Variants in LYPD6B observed in about 807,000 individuals in gnomAD.
LYPD6B encodes ly6/PLAUR domain-containing protein 6B.
LYPD6B carries 17 observed loss-of-function variants against 22.8 expected under a neutral mutation model. That is an observed-to-expected ratio of 0.75 (90% confidence interval 0.51 to 1.12). The LOEUF is 1.12. Among genes scored for constraint, LYPD6B ranks in the 50% most tolerant of loss-of-function variants. The probability of loss-of-function intolerance (pLI) is 0.00; values close to 1 mark genes in which losing one functional copy is unlikely to be tolerated. For missense variants in LYPD6B, 221 were observed against 258.3 expected (o/e 0.86, Z 0.99); for synonymous variants, 106 against 91.6 (o/e 1.16, Z -0.90).
rs1684256065 is a variant in LYPD6B at position 149,065,002 on chromosome 2, G to C, written c.-67+26201G>C. On this transcript the variant is annotated intron_variant, in intron 1 of 6. Transcript: ENST00000409642. The stretch of plus-strand genomic sequence containing the variant: ...GAGGTTTTATGGAGTTTCTGAGTAT[G>C]ATTTTTGGCATTGATTCCCAGAGGA... Among the ~76,000 whole-genome samples the C allele has an allele frequency of 2.6e-5, 4 of 152,186 alleles. 1 individual carries two copies. Among genetic ancestry groups the C allele is most frequent in the South Asian group, 4.1e-4 (2 of 4,824 alleles).
intron 1 of LYPD6B, among the ~76,000 whole-genome samples, chr2:149,069,352 C>T (rs975703525): frequency 6.6e-5 from 10 of 152,096 alleles, no homozygotes; most frequent in Non-Finnish European, 1.0e-4. Flanking sequence ...TTTGCCTTGG[C>T]GACATAGACT....
chr2:149,040,620 C>A (rs1300404259), intron 1 of LYPD6B, among the ~76,000 whole-genome samples: 4 of 152,164 alleles, frequency 2.6e-5, no homozygotes, highest in Non-Finnish European at 4.4e-5. Flanking sequence ...GGGCACATGA[C>A]CGACTGTGAT....
At chr2:149,048,358 C>T (rs950741646) in intron 1 of LYPD6B, among the ~76,000 whole-genome samples, 1 of 152,156 alleles carries the variant, frequency 6.6e-6, no homozygotes, top group Non-Finnish European at 1.5e-5. Flanking sequence ...TCTCAGTGTA[C>T]CCCCAGACTT....
In LYPD6B at chr2:149,173,349, C is replaced by CTTTTTTTTTTTT. The variant is rs67113716; in HGVS notation, c.77+12523_77+12534dup. On this transcript the variant is annotated intron_variant, in intron 3 of 6. Transcript: ENST00000409642. ...AGCTTGATGCTTTAGTCTGTCAGGC[C>CTTTTTTTTTTTT]TTTTTTTTTTTTTTTTTTTTGCATC... Among the ~76,000 whole-genome samples the CTTTTTTTTTTTT allele has an allele frequency of 9.1e-4, 53 of 58,490 alleles. 2 individuals carry two copies. The highest frequency in any genetic ancestry group is 1.1e-3 in the East Asian group (2 of 1,818). The allele number at this position is 58,490 out of a possible 152,430, so 38.4% of individuals were successfully genotyped here. A position where few individuals can be genotyped will look rare whatever the true frequency, so the allele number is the denominator to read the frequency against.
At chr2:149,086,789 G>A (rs1325256287) in intron 1 of LYPD6B, among the ~76,000 whole-genome samples, 2 of 152,152 alleles carry the variant, frequency 1.3e-5, no homozygotes, top group Non-Finnish European at 2.9e-5. Flanking sequence ...TGAGGGCTGT[G>A]AGGGAGGGAT....
intron 1 of LYPD6B, among the ~76,000 whole-genome samples, chr2:149,118,528 C>G (rs1025689751): frequency 7.9e-5 from 12 of 152,168 alleles, no homozygotes; most frequent in Non-Finnish European, 1.3e-4. Context: ...TCTTGATTTT[C>G]TGCATCCTCC....
intron 1 of LYPD6B, among the ~76,000 whole-genome samples, chr2:149,045,499 A>G (rs964611560): frequency 6.6e-6 from 1 of 151,926 alleles, no homozygotes; most frequent in Non-Finnish European, 1.5e-5. Context: ...ATAAGCTTAT[A>G]TTACTGATTT....
intron 2 of LYPD6B, among the ~76,000 whole-genome samples, chr2:149,132,503 G>A (rs1242490983): frequency 6.6e-6 from 1 of 151,948 alleles, no homozygotes; most frequent in Admixed American, 6.6e-5. Flanking sequence ...TGGGGCCAAA[G>A]CCCAACATTT....
intron 1 of LYPD6B, among the ~76,000 whole-genome samples, chr2:149,105,587 AT>A (rs1213151433): frequency 6.6e-6 from 1 of 151,942 alleles, no homozygotes; most frequent in Non-Finnish European, 1.5e-5. Context: ...ATGGCTGAAA[AT>A]TTTTTTAATT....
intron 2 of LYPD6B, among the ~76,000 whole-genome samples, chr2:149,138,725 G>T (rs558080256): frequency 6.6e-6 from 1 of 152,088 alleles, no homozygotes; most frequent in South Asian, 2.1e-4. Flanking sequence ...TATTTTTGTA[G>T]AGACAGAGCC....
chr2:149,076,625 G>C (rs893004700), intron 1 of LYPD6B, among the ~76,000 whole-genome samples: 2 of 152,086 alleles, frequency 1.3e-5, no homozygotes, highest in Non-Finnish European at 2.9e-5. Flanking sequence ...TTTTCAGTTA[G>C]GTATGAGGCA....
chr2:149,180,765 G>A (rs1424148775), intron 3 of LYPD6B, among the ~76,000 whole-genome samples: 10 of 152,296 alleles, frequency 6.6e-5, no homozygotes, highest in East Asian at 1.9e-4. Context: ...TCTGAGAACC[G>A]GCTCTGCCAC....
chr2:149,121,342 G>C (rs1019488138), intron 1 of LYPD6B, among the ~76,000 whole-genome samples: 1 of 152,070 alleles, frequency 6.6e-6, no homozygotes, highest in African/African-American at 2.4e-5. Context: ...CATCTTAATG[G>C]GTTTGCTTCC....
At chr2:149,141,920 C>T (rs368699098) in intron 2 of LYPD6B, 10 of 152,318 alleles carry the variant, frequency 6.6e-5, no homozygotes, top group African/African-American at 2.2e-4. Flanking sequence ...TTTGCAGCTG[C>T]ATAACTCGAG....
chr2:149,155,700 T>G (rs1171620297), intron 2 of LYPD6B, among the ~76,000 whole-genome samples: 2 of 152,196 alleles, frequency 1.3e-5, no homozygotes, highest in East Asian at 3.9e-4. Context: ...ACAGTCCATT[T>G]TATTTTGCTC....
At chr2:149,150,279 A>G (rs1205561584) in intron 2 of LYPD6B, among the ~76,000 whole-genome samples, 1 of 151,820 alleles carries the variant, frequency 6.6e-6, no homozygotes, top group Non-Finnish European at 1.5e-5. Context: ...CTTTGTTCTG[A>G]TATTCTTGTT....
At chr2:149,151,479 G>A (rs918747852) in intron 2 of LYPD6B, among the ~76,000 whole-genome samples, 2 of 152,130 alleles carry the variant, frequency 1.3e-5, no homozygotes, top group African/African-American at 4.8e-5. Flanking sequence ...GTAGTCTTCC[G>A]TAGGATCAGT....
At chr2:149,087,488 C>T (rs1219982993) in intron 1 of LYPD6B, among the ~76,000 whole-genome samples, 1 of 152,082 alleles carries the variant, frequency 6.6e-6, no homozygotes, top group Non-Finnish European at 1.5e-5. Context: ...ATTGCTTGAA[C>T]CTAGAAGTTC....
At chr2:149,177,774 CAA>C (rs1050515095) in intron 3 of LYPD6B, among the ~76,000 whole-genome samples, 6 of 150,882 alleles carry the variant, frequency 4.0e-5, no homozygotes, top group African/African-American at 1.5e-4. Flanking sequence ...GCTGCCCAAA[CAA>C]GAGAGCTCAA....
Sources: gnomAD v4.1 joint callset for allele counts (sites outside exome capture counted in the v4.1 genomes callset) on GRCh38, gnomAD v4.1.1 for gene constraint, MANE v1.5 for transcripts, NCBI Gene and HGNC (gene_info 2026-07-23, HGNC 2026-07-21) for gene names.